PARG: variants seen among roughly 807,000 people sequenced by gnomAD.
PARG encodes the protein poly(ADP-ribose) glycohydrolase, also known as mitochondrial poly(ADP-ribose) glycohydrolase.
Under a neutral mutation model 113.0 loss-of-function variants are expected in PARG, and 35 were observed. That is an observed-to-expected ratio of 0.31 (90% CI 0.24 to 0.41). The LOEUF is 0.41. Ranked by LOEUF, PARG falls within the 10% of genes least tolerant of loss-of-function variation. The probability of loss-of-function intolerance (pLI) is 1.00; values close to 1 mark genes in which losing one functional copy is unlikely to be tolerated. For missense variants in PARG, 797 were observed against 1,169.4 expected (o/e 0.68, Z 4.64); for synonymous variants, 330 against 409.9 (o/e 0.81, Z 2.36).
rs558106098 is a variant in PARG at position 49,922,767 on chromosome 10, G to T, written c.1456-98C>A. On this transcript the variant is annotated intron_variant, in intron 4 of 17. Coordinates refer to ENST00000616448, the MANE Select transcript of PARG (RefSeq NM_003631.5). ...ACCAAAGCAAATGCTATAAAATAGA[G>T]ACCAGCTCCCAGGCAAGAAATCACC... is the stretch of plus-strand genomic sequence containing the variant. 1.0e-4 allele frequency: 75 copies of T among 744,066 alleles called. No homozygotes were observed. In the African/African-American group the frequency reaches 1.3e-3, roughly 12 times the overall value. 46.1% of individuals were successfully genotyped at this position (744,066 alleles called of 1,614,324 possible).
chr10:49,876,394 AT>A (rs1846938381), intron 9 of PARG, among the ~76,000 whole-genome samples: 1 of 149,636 alleles, frequency 6.7e-6, no homozygotes, highest in South Asian at 2.2e-4. Context: ...AGGTGGGAGG[AT>A]CTCTTGAGCC....
chr10:49,934,403 C>T lies in PARG; in HGVS notation c.285-240G>A, dbSNP rs1176061657. Among the ~76,000 whole-genome samples, 156 of 152,108 alleles carry T rather than the reference C, an allele frequency of 1.0e-3. 3 individuals are homozygous for T. The South Asian group carries it at 0.03, about 29-fold the overall frequency. On this transcript the variant is annotated intron_variant, in intron 2 of 17. Coordinates refer to ENST00000616448, the MANE Select transcript of PARG (RefSeq NM_003631.5). The stretch of plus-strand genomic sequence containing the variant: ...GTCACTCACCTCTCTGTGCAGTCTT[C>T]CTTTAGGGACCAAAGGTAAAGTTGA...
At chr10:49,914,426 G>C (rs1427803969) in intron 7 of PARG, among the ~76,000 whole-genome samples, 1 of 152,160 alleles carries the variant, frequency 6.6e-6, no homozygotes, top group Non-Finnish European at 1.5e-5. Flanking sequence ...ACAAGGATAA[G>C]TCTTCCATTA....
chr10:49,821,721 T>C (rs1305108542), intron 16 of PARG, among the ~76,000 whole-genome samples: 1 of 152,156 alleles, frequency 6.6e-6, no homozygotes, highest in Admixed American at 6.5e-5. Flanking sequence ...TGACAGCATG[T>C]TAATATTCTA....
chr10:49,885,319 T>C (rs782695172), intron 7 of PARG, 24 bp from the exon 8 acceptor site: 3 of 1,363,092 alleles, frequency 2.2e-6, no homozygotes, highest in South Asian at 2.3e-5. Context: ...AAATAAGTTA[T>C]GTGAATAACA....
At chr10:49,903,630 C>T (rs1395271674) in intron 7 of PARG, among the ~76,000 whole-genome samples, 1 of 152,012 alleles carries the variant, frequency 6.6e-6, no homozygotes, top group Non-Finnish European at 1.5e-5. Flanking sequence ...TGTGAGCACA[C>T]AGAGGAGTTT....
intron 6 of PARG, among the ~76,000 whole-genome samples, chr10:49,916,560 G>A (rs1456043905): frequency 2.0e-5 from 3 of 151,570 alleles, no homozygotes; most frequent in Non-Finnish European, 4.4e-5. Context: ...TCTTCCTCCA[G>A]CAGTTCACAT....
chr10:49,906,142 C>T (rs371578903), intron 7 of PARG, among the ~76,000 whole-genome samples: 115 of 121,468 alleles, frequency 9.5e-4, no homozygotes, highest in African/African-American at 2.4e-3. Flanking sequence ...GTGATGCTGC[C>T]GCTTTTTTTT....
intron 7 of PARG, among the ~76,000 whole-genome samples, chr10:49,907,056 G>C (rs1415910425): frequency 6.6e-6 from 1 of 151,984 alleles, no homozygotes; most frequent in Non-Finnish European, 1.5e-5. Flanking sequence ...AGGCTTCTCA[G>C]GACTGAGGCA....
intron 7 of PARG, among the ~76,000 whole-genome samples, chr10:49,913,892 G>A (rs190543724): frequency 0.018 from 2,710 of 152,090 alleles, 77 homozygotes; most frequent in African/African-American, 0.06. Flanking sequence ...GACAGAGTGA[G>A]ACTCCATTTC....
Position 49,822,274 on chromosome 10 carries a change from GCT to G in PARG, c.2648-1983_2648-1982del, listed in dbSNP as rs138921754. ...TGTGTATGCACATATATATTTCCTAGCTCTGTCTGCTAAAAGGGCCAAAAGGG... is the reference window on the plus strand; with the variant it reads ...TGTGTATGCACATATATATTTCCTAGCTGTCTGCTAAAAGGGCCAAAAGGG... On this transcript the variant is annotated intron_variant, in intron 16 of 17. Coordinates refer to ENST00000616448, the MANE Select transcript of PARG (RefSeq NM_003631.5). 8.8e-3 allele frequency among the ~76,000 whole-genome samples: 1,334 copies of G among 151,924 alleles called. 11 individuals carry two copies. Among genetic ancestry groups the G allele is most frequent in the African/African-American group, 0.03 (1,245 of 41,414 alleles).
intron 6 of PARG, among the ~76,000 whole-genome samples, chr10:49,919,621 C>G (rs1453526578): frequency 6.6e-6 from 1 of 151,992 alleles, no homozygotes; most frequent in African/African-American, 2.4e-5. Flanking sequence ...GAGTTTGAGA[C>G]CAGCATGGGT....
intron 7 of PARG, among the ~76,000 whole-genome samples, chr10:49,891,603 ATATATATATATATATATATATTTTTTT>A (rs1847788135): frequency 1.4e-4 from 5 of 36,286 alleles, no homozygotes; most frequent in African/African-American, 6.9e-4. Flanking sequence ...ATATATATAT[ATATATATATATATATATATATTTTTTT>A]TTTTTTTTTT....
At chr10:49,895,354 A>G (rs1265151777) in intron 7 of PARG, among the ~76,000 whole-genome samples, 1 of 151,780 alleles carries the variant, frequency 6.6e-6, no homozygotes, top group Non-Finnish European at 1.5e-5. Flanking sequence ...TGCATTTTCT[A>G]CAAAATGCCT....
chr10:49,841,477 T>C (rs1280783702), intron 15 of PARG, among the ~76,000 whole-genome samples: 1 of 152,188 alleles, frequency 6.6e-6, no homozygotes, highest in Non-Finnish European at 1.5e-5. Context: ...AAAAAATGAA[T>C]ATAGTAGGCG....
chr10:49,896,504 C>T (rs1355426569), intron 7 of PARG, among the ~76,000 whole-genome samples: 2 of 152,260 alleles, frequency 1.3e-5, no homozygotes, highest in African/African-American at 2.4e-5. Context: ...AGGCTGGCCT[C>T]GAACTCCTAA....
chr10:49,908,616 C>T (rs1564648631), intron 7 of PARG: 3 of 152,220 alleles, frequency 2.0e-5, no homozygotes, highest in Non-Finnish European at 2.9e-5. Context: ...GAGTTTGGTA[C>T]AGGCTCTTTG....
rs75802746 is a variant in PARG, at chr10:49,842,537, A to G, written c.2433-479T>C. On this transcript the variant is annotated intron_variant, in intron 14 of 17. Transcript: ENST00000616448. Reference sequence around the variant, plus strand: ...AGAAGTGTTACAAAAATGTGAAATAATTCAGTGCAGCATTCTACCTACTGT... The same window carrying G: ...AGAAGTGTTACAAAAATGTGAAATAGTTCAGTGCAGCATTCTACCTACTGT... 5.3e-3 allele frequency among the ~76,000 whole-genome samples: 801 copies of G among 152,336 alleles called. 6 individuals carry two copies. The highest frequency in any genetic ancestry group is 0.019 in the African/African-American group (770 of 41,578).
chr10:49,892,482 T>C (rs535581773), intron 7 of PARG, among the ~76,000 whole-genome samples: 1 of 152,164 alleles, frequency 6.6e-6, no homozygotes, highest in East Asian at 1.9e-4. Context: ...AAAAAGTCTT[T>C]CTGTATTATA....
Sources: gnomAD v4.1 joint callset for allele counts (sites outside exome capture counted in the v4.1 genomes callset) on GRCh38, gnomAD v4.1.1 for gene constraint, MANE v1.5 for transcripts, NCBI Gene and HGNC (gene_info 2026-07-23, HGNC 2026-07-21) for gene names.